TIMM22: variants seen among roughly 807,000 people sequenced by gnomAD.
TIMM22 encodes translocase of inner mitochondrial membrane 22, also known as mitochondrial import inner membrane translocase subunit Tim22.
Under a neutral mutation model 18.3 loss-of-function variants are expected in TIMM22, and 12 were observed. That is an observed-to-expected ratio of 0.65 (90% confidence interval 0.42 to 1.06). TIMM22 has a LOEUF of 1.06. Ranked by LOEUF, TIMM22 falls within the 50% of genes least tolerant of loss-of-function variation. The probability of loss-of-function intolerance (pLI) is 0.00; values close to 1 mark genes in which losing one functional copy is unlikely to be tolerated. For synonymous variants in TIMM22, 107 were observed against 98.5 expected, an observed-to-expected ratio of 1.09 and a Z score of -0.51; for missense variants, 278 against 252.8, an observed-to-expected ratio of 1.10 and a Z score of -0.68.
rs1048109520 is a variant in TIMM22, at chr17:1,003,567, C to G, written c.*2479C>G. The G allele has an allele frequency of 2.0e-5, 3 of 152,474 alleles. No individual in the cohort carries two copies. Among genetic ancestry groups the G allele is most frequent in the African/African-American group, 4.8e-5 (2 of 41,388 alleles). The allele number at this position is 152,474 out of a possible 1,614,324, so 9.4% of individuals were successfully genotyped here. The stretch of plus-strand genomic sequence containing the variant: ...CTTTGCATTTTTTATTAACATTTTC[C>G]TCTCACGTGGTTTACATCAATTTAT... On this transcript the variant is annotated 3_prime_UTR_variant, in exon 4 of 4. Transcript: ENST00000327158.
Position 997,341 on chromosome 17 carries a change from GAAAGCTGCGCTTTC to G in TIMM22, c.202_215del (p.Ser68GlyfsTer29), listed in dbSNP as rs1330079910. 1.7e-5 allele frequency: 28 copies of G among 1,613,802 alleles called. No homozygotes were observed. Among genetic ancestry groups the G allele is most frequent in the Non-Finnish European group, 2.2e-5 (26 of 1,179,896 alleles). Reference sequence around the variant, plus strand: ...GCAGAAGATGATCGAGAAGGCGATGGAAAGCTGCGCTTTCAAGGCTGCGCTGGCCTGCGTGGGAG... The same window carrying G: ...GCAGAAGATGATCGAGAAGGCGATGGAAGGCTGCGCTGGCCTGCGTGGGAG... On this transcript the variant is annotated frameshift_variant, in exon 1 of 4. Transcript: ENST00000327158. LOFTEE classifies it high-confidence loss of function.
In TIMM22 at chr17:1,002,472, G is replaced by GTGA. The variant is rs2069771801; in HGVS notation, c.*1390_*1392dup. ...TGGAGGCCCGAGTGTTTGTACATGA[G>GTGA]TGATGATGTCAAACCCAGCTGGTAA... On this transcript the variant is annotated 3_prime_UTR_variant, in exon 4 of 4. Transcript: ENST00000327158. The GTGA allele has an allele frequency of 2.0e-5, 3 of 152,340 alleles. No homozygotes were observed. Among genetic ancestry groups the GTGA allele is most frequent in the African/African-American group, 7.2e-5 (3 of 41,572 alleles). The allele number at this position is 152,340 out of a possible 1,614,324, so 9.4% of individuals were successfully genotyped here.
Position 998,973 on chromosome 17 carries a change from T to G in TIMM22, c.433T>G (p.Ser145Ala), listed in dbSNP as rs747691559. ...TTCTTGTACTGAGTGTTTGATAGAATCTGTAAGTGTCTCTGCCTTCTAAGA... is the reference window on the plus strand; with the variant it reads ...TTCTTGTACTGAGTGTTTGATAGAAGCTGTAAGTGTCTCTGCCTTCTAAGA... ...MFSCTECLIE[S>A]YRGTSDWKNS... The change falls in exon 2 of 4, where the codon TCT (serine) becomes GCT (alanine). Residue 145 changes from serine (S) to alanine (A), a missense_variant and splice_region_variant. Transcript: ENST00000327158. 1.2e-6 allele frequency: 2 copies of G among 1,606,128 alleles called. No individual in the cohort carries two copies. Among genetic ancestry groups the G allele is most frequent in the African/African-American group, 2.7e-5 (2 of 74,790 alleles).
intron 3 of TIMM22, 67 bp from the exon 4 acceptor site, chr17:1,000,945 T>A: frequency 1.3e-6 from 2 of 1,578,840 alleles, no homozygotes; most frequent in South Asian, 1.1e-5. Flanking sequence ...GTGTGCCAAC[T>A]TTCCGTGAGT....
Position 1,001,026 on chromosome 17 carries a change from G to C in TIMM22, c.523G>C (p.Gly175Arg). 1 of 1,614,060 alleles carries C rather than the reference G, an allele frequency of 6.2e-7. No homozygotes were observed. Among genetic ancestry groups the C allele is most frequent in the African/African-American group, 1.3e-5 (1 of 75,046 alleles). Residue 175 changes from glycine to arginine, a missense_variant, in exon 4 of 4, where the codon GGG (glycine) becomes CGG (arginine). Gly to Arg is a moderately radical substitution (Grantham distance 125). Transcript: ENST00000327158. ...TTGTTTGACAGCTGGCTTAAAGGCT[G>C]GGGCCATTGGTTGTGGAGGTTTTGC... ...AIGFRAGLKA[G>R]AIGCGGFAAF...
chr17:998,583 T>G (rs935071395), intron 1 of TIMM22, among the ~76,000 whole-genome samples, 196 bp from the exon 2 acceptor site: 1 of 152,122 alleles, frequency 6.6e-6, no homozygotes. Flanking sequence ...GAAGAAATCT[T>G]AGAGACGGAG....
intron 3 of TIMM22, among the ~76,000 whole-genome samples, 171 bp downstream of exon 3, chr17:999,755 G>A (rs2069724531): frequency 6.6e-6 from 1 of 152,070 alleles, no homozygotes; most frequent in Admixed American, 6.6e-5. Context: ...GGATCTAGAT[G>A]AGGGTTTCCC....
Position 998,508 on chromosome 17 carries a change from A to G in TIMM22, c.239-271A>G, listed in dbSNP as rs185790236. Among the ~76,000 whole-genome samples, 79 of 152,306 alleles carry G rather than the reference A, an allele frequency of 5.2e-4. 1 individual carries two copies. The highest frequency in any genetic ancestry group is 1.5e-3 in the African/African-American group (62 of 41,562). ...GTTGAGGGTGGCTGGTTTACATATGAGAGAATGTAGAGAGAATAGAGGGTT... is the reference window on the plus strand; with the variant it reads ...GTTGAGGGTGGCTGGTTTACATATGGGAGAATGTAGAGAGAATAGAGGGTT... On this transcript the variant is annotated intron_variant, in intron 1 of 3. Transcript: ENST00000327158.
chr17:998,541 G>A (rs2069707687), intron 1 of TIMM22, among the ~76,000 whole-genome samples: 1 of 152,150 alleles, frequency 6.6e-6, no homozygotes, highest in African/African-American at 2.4e-5. Flanking sequence ...GTTAAAGATG[G>A]AATCTTGAGA....
In TIMM22 at chr17:1,001,968, G is replaced by A. The variant is rs1567540948; in HGVS notation, c.*880G>A. 6.6e-6 allele frequency: 1 copy of A among 152,162 alleles called. No individual in the cohort carries two copies. 9.4% of individuals were successfully genotyped at this position (152,162 alleles called of 1,614,324 possible). ...GGCCGAGCTTGAGGCCACATGTGAAGGGTCCTGCTGTGGTCATCTTGGTGA... is the reference window on the plus strand; with the variant it reads ...GGCCGAGCTTGAGGCCACATGTGAAAGGTCCTGCTGTGGTCATCTTGGTGA... On this transcript the variant is annotated 3_prime_UTR_variant, in exon 4 of 4. Transcript: ENST00000327158.
chr17:999,638 A>T, intron 3 of TIMM22, 54 bp downstream of exon 3: 2 of 1,552,824 alleles, frequency 1.3e-6, no homozygotes, highest in Non-Finnish European at 1.8e-6. Flanking sequence ...CAACGTGCTG[A>T]GGTTGTCATT....
At chr17:999,939 G>A (rs1413305105) in intron 3 of TIMM22, among the ~76,000 whole-genome samples, 3 of 151,590 alleles carry the variant, frequency 2.0e-5, no homozygotes, top group South Asian at 2.1e-4. Context: ...TCACTCTGTC[G>A]CCCAGGCTGG....
Position 1,001,310 on chromosome 17 carries a change from G to A in TIMM22, c.*222G>A, listed in dbSNP as rs2069742896. 1.2e-5 allele frequency: 6 copies of A among 494,890 alleles called. No individual in the cohort carries two copies. The highest frequency in any genetic ancestry group is 2.0e-5 in the South Asian group (1 of 49,390). 30.7% of individuals were successfully genotyped at this position (494,890 alleles called of 1,614,324 possible). A position where few individuals can be genotyped will look rare whatever the true frequency, so the allele number is the denominator to read the frequency against. ...ACTCCAGCCAGCCTTCACAGAGGAC[G>A]TCCCGTGCCAGATTCTCTCACAGCA... On this transcript the variant is annotated 3_prime_UTR_variant, in exon 4 of 4. Transcript: ENST00000327158.
intron 1 of TIMM22, 24 bp downstream of exon 1, chr17:997,404 T>C (rs1363248366): frequency 1.9e-6 from 3 of 1,606,260 alleles, no homozygotes; most frequent in Non-Finnish European, 2.6e-6. Context: ...ATGGGACCCT[T>C]GGGAGGCTGA....
chr17:1,003,454 A>AGTT lies in TIMM22; in HGVS notation c.*2367_*2369dup, dbSNP rs1356800443. Reference sequence around the variant, plus strand: ...ACTCACATCTGGATGCAGCTGGAAGAGTTAAATATTTACATTGGTGGCTTC... The same window carrying AGTT: ...ACTCACATCTGGATGCAGCTGGAAGAGTTGTTAAATATTTACATTGGTGGCTTC... On this transcript the variant is annotated 3_prime_UTR_variant, in exon 4 of 4. Coordinates refer to ENST00000327158, the MANE Select transcript of TIMM22 (RefSeq NM_013337.4). 1 of 152,634 alleles carries AGTT rather than the reference A, an allele frequency of 6.6e-6. No homozygotes were observed. The highest frequency in any genetic ancestry group is 1.5e-5 in the Non-Finnish European group (1 of 68,056). The allele number at this position is 152,634 out of a possible 1,614,324, so 9.5% of individuals were successfully genotyped here.
At chr17:1,000,961 G>A (rs578036665) in intron 3 of TIMM22, 51 bp from the exon 4 acceptor site, 21 of 1,607,280 alleles carry the variant, frequency 1.3e-5, no homozygotes, top group East Asian at 8.9e-5. Flanking sequence ...TGAGTGCCTC[G>A]TGACCCAGCA....
Position 1,001,506 on chromosome 17 carries a change from A to G in TIMM22, c.*418A>G. ...AACTCCATGCAACTATCCGTCTCGAATACCAGGGCAGGGCAAGGCGGACTG... is the reference window on the plus strand; with the variant it reads ...AACTCCATGCAACTATCCGTCTCGAGTACCAGGGCAGGGCAAGGCGGACTG... On this transcript the variant is annotated 3_prime_UTR_variant, in exon 4 of 4. Transcript: ENST00000327158. The G allele has an allele frequency of 5.6e-6, 1 of 177,702 alleles. No individual in the cohort carries two copies. The highest frequency in any genetic ancestry group is 1.2e-5 in the Non-Finnish European group (1 of 82,986). 11.0% of individuals were successfully genotyped at this position (177,702 alleles called of 1,614,324 possible). A position where few individuals can be genotyped will look rare whatever the true frequency, so the allele number is the denominator to read the frequency against.
intron 2 of TIMM22, 38 bp downstream of exon 2, chr17:999,013 C>A (rs779544536): frequency 1.9e-6 from 3 of 1,562,250 alleles, no homozygotes; most frequent in Non-Finnish European, 2.6e-6. Flanking sequence ...CTTGCTGGGG[C>A]CACCATTTCA....
intron 1 of TIMM22, among the ~76,000 whole-genome samples, chr17:998,022 C>T (rs1423204046): frequency 1.3e-5 from 2 of 152,112 alleles, no homozygotes; most frequent in African/African-American, 4.8e-5. Context: ...AGGATGCAGA[C>T]ATATGGAAAT....
Sources: gnomAD v4.1 joint callset for allele counts (sites outside exome capture counted in the v4.1 genomes callset) on GRCh38, gnomAD v4.1.1 for gene constraint, MANE v1.5 for transcripts, NCBI Gene and HGNC (gene_info 2026-07-23, HGNC 2026-07-21) for gene names.